BTBD9: variants seen among roughly 807,000 people sequenced by gnomAD.
BTBD9 encodes BTB/POZ domain-containing protein 9.
In BTBD9, 49 loss-of-function variants were observed where a neutral mutation model predicts 64.3. The ratio of observed to expected loss-of-function variants is 0.76; its 90% confidence interval spans 0.61 to 0.97. The LOEUF is 0.97. Ranked by LOEUF, BTBD9 falls within the 50% of genes least tolerant of loss-of-function variation. The pLI is 0.00. For missense variants in BTBD9, 598 were observed against 762.1 expected (o/e 0.78, Z 2.53); for synonymous variants, 260 against 274.7 (o/e 0.95, Z 0.53).
chr6:38,179,186 A>G (rs1178773640), intron 10 of BTBD9, among the ~76,000 whole-genome samples: 7 of 152,210 alleles, frequency 4.6e-5, no homozygotes, highest in African/African-American at 1.7e-4. Flanking sequence ...TTCTTAAACT[A>G]AAAAAGTTAT....
intron 6 of BTBD9, among the ~76,000 whole-genome samples, chr6:38,473,708 T>C (rs537526932): frequency 6.6e-6 from 1 of 152,324 alleles, no homozygotes; most frequent in African/African-American, 2.4e-5. Context: ...TCACAATCCC[T>C]GCCTTCATGG....
At position 38,175,125 on chromosome 6, in the gene BTBD9, T is replaced by C; in HGVS notation, c.1699A>G (p.Asn567Asp). ...PEQQSSQKEE[N>D]SEESGTGDTS... ...TCCCCTGTCCCCGATTCCTCACTAT[T>C]TTCCTCCTTCTGGCTGCTCTGCTGC... The change falls in exon 11 of 11, where the codon AAT (asparagine) becomes GAT (aspartate). Residue 567 changes from asparagine to aspartate, a missense_variant. Coordinates refer to ENST00000481247, the MANE Select transcript of BTBD9 (RefSeq NM_001099272.2). 1 of 1,614,200 alleles carries C rather than the reference T, an allele frequency of 6.2e-7. No homozygotes were observed. Among genetic ancestry groups the C allele is most frequent in the South Asian group, 1.1e-5 (1 of 91,082 alleles).
At chr6:38,610,319 A>G (rs1777571714) in intron 1 of BTBD9, among the ~76,000 whole-genome samples, 1 of 152,244 alleles carries the variant, frequency 6.6e-6, no homozygotes, top group Non-Finnish European at 1.5e-5. Flanking sequence ...TCTTTGCTGT[A>G]GCCATGGTAA....
At position 38,639,804 on chromosome 6, in the gene BTBD9, G is replaced by A. The variant is rs1778667078; in HGVS notation, c.-32C>T. On this transcript the variant is annotated 5_prime_UTR_variant, in exon 1 of 11. Transcript: ENST00000481247. ...TGCAAGGACCCGGCTACTCACCCCA[G>A]CGATGCTCCTCTGAGACCAAGCTGC... 1 of 151,858 alleles carries A rather than the reference G, an allele frequency of 6.6e-6. No individual in the cohort carries two copies. Among genetic ancestry groups the A allele is most frequent in the Non-Finnish European group, 1.5e-5 (1 of 68,088 alleles). 9.4% of individuals were successfully genotyped at this position (151,858 alleles called of 1,614,324 possible).
chr6:38,241,401 C>T (rs1290864687), intron 9 of BTBD9, among the ~76,000 whole-genome samples: 1 of 152,118 alleles, frequency 6.6e-6, no homozygotes, highest in Non-Finnish European at 1.5e-5. Context: ...TGCAACATTG[C>T]CTCAAGGTAG....
chr6:38,199,442 T>C (rs1248325604), intron 9 of BTBD9, among the ~76,000 whole-genome samples: 1 of 152,114 alleles, frequency 6.6e-6, no homozygotes, highest in Non-Finnish European at 1.5e-5. Flanking sequence ...GTCCTTACTA[T>C]GGAATAAGCC....
chr6:38,512,269 G>A (rs1044878170), intron 6 of BTBD9, among the ~76,000 whole-genome samples: 2 of 152,064 alleles, frequency 1.3e-5, no homozygotes, highest in Non-Finnish European at 2.9e-5. Flanking sequence ...CACCATGCCC[G>A]GCCACTACTA....
chr6:38,586,579 A>G (rs1199457549), intron 4 of BTBD9, among the ~76,000 whole-genome samples: 1 of 152,202 alleles, frequency 6.6e-6, no homozygotes, highest in Non-Finnish European at 1.5e-5. Context: ...AGAAGTCCCC[A>G]AAGACACAGA....
intron 6 of BTBD9, among the ~76,000 whole-genome samples, chr6:38,502,025 T>C (rs1053007873): frequency 2.6e-5 from 4 of 152,204 alleles, no homozygotes; most frequent in African/African-American, 7.2e-5. Context: ...ACTACTGGTA[T>C]AGAGATAGCA....
intron 1 of BTBD9, among the ~76,000 whole-genome samples, chr6:38,600,378 G>A (rs751654243): frequency 2.0e-5 from 3 of 152,324 alleles, no homozygotes; most frequent in East Asian, 1.9e-4. Context: ...AAGGACTGAC[G>A]TCAGGGACTG....
intron 6 of BTBD9, among the ~76,000 whole-genome samples, chr6:38,357,293 C>T (rs1164409046): frequency 6.6e-6 from 1 of 152,138 alleles, no homozygotes; most frequent in Non-Finnish European, 1.5e-5. Context: ...AATTCAGTAG[C>T]TTAGGATTCA....
chr6:38,355,043 T>C (rs1357973311), intron 6 of BTBD9, among the ~76,000 whole-genome samples: 3 of 152,210 alleles, frequency 2.0e-5, no homozygotes, highest in African/African-American at 4.8e-5. Context: ...CCAATTTCAC[T>C]GTGGAAGCCT....
chr6:38,418,936 C>T (rs1009279769), intron 6 of BTBD9, among the ~76,000 whole-genome samples: 8 of 152,066 alleles, frequency 5.3e-5, no homozygotes, highest in Non-Finnish European at 8.8e-5. Context: ...AAGTGAGACC[C>T]TGTCTCTAAA....
At chr6:38,380,678 A>G (rs1765890246) in intron 6 of BTBD9, among the ~76,000 whole-genome samples, 3 of 152,118 alleles carry the variant, frequency 2.0e-5, no homozygotes. Context: ...AAGGAAAAGG[A>G]AAGAGTTTTT....
intron 6 of BTBD9, among the ~76,000 whole-genome samples, chr6:38,360,666 G>A (rs1764915679): frequency 6.6e-6 from 1 of 152,144 alleles, no homozygotes; most frequent in Admixed American, 6.5e-5. Context: ...GAAAATGCAG[G>A]CAGAAGAGTA....
intron 6 of BTBD9, among the ~76,000 whole-genome samples, chr6:38,447,018 T>G (rs752221216): frequency 3.3e-5 from 5 of 152,218 alleles, no homozygotes; most frequent in Non-Finnish European, 7.3e-5. Flanking sequence ...TAATAATTCT[T>G]CAGTGCAACA....
chr6:38,535,738 C>A (rs990197189), intron 6 of BTBD9, among the ~76,000 whole-genome samples: 2 of 152,062 alleles, frequency 1.3e-5, no homozygotes, highest in South Asian at 4.1e-4. Flanking sequence ...AACAAAGGTG[C>A]CAAACACATA....
chr6:38,300,426 C>T (rs939864681), intron 7 of BTBD9, among the ~76,000 whole-genome samples: 11 of 152,084 alleles, frequency 7.2e-5, no homozygotes, highest in Middle Eastern at 6.3e-3. Flanking sequence ...GGGGATGGCA[C>T]TGAATCTATA....
intron 6 of BTBD9, among the ~76,000 whole-genome samples, chr6:38,411,707 G>A (rs755784560): frequency 1.6e-4 from 24 of 152,088 alleles, no homozygotes; most frequent in South Asian, 6.2e-4. Context: ...AGGCCAAGGC[G>A]GGCAGATTAC....
Sources: allele counts gnomAD v4.1 joint callset (sites outside exome capture counted in the v4.1 genomes callset), GRCh38; gene constraint gnomAD v4.1.1; transcripts MANE v1.5; gene names NCBI Gene and HGNC (gene_info 2026-07-23, HGNC 2026-07-21).